SAMSN1: variants seen among roughly 807,000 people sequenced by gnomAD.
The protein encoded by SAMSN1 is SAM domain-containing protein SAMSN-1.
In SAMSN1, 31 loss-of-function variants were observed where a neutral mutation model predicts 42.0. The ratio of observed to expected loss-of-function variants is 0.74; its 90% confidence interval spans 0.55 to 1.00. The LOEUF (loss-of-function observed/expected upper bound fraction) is 1.00. Ranked by LOEUF, SAMSN1 falls within the 50% of genes least tolerant of loss-of-function variation. The pLI is 0.00. For missense variants in SAMSN1, 464 were observed against 439.4 expected (o/e 1.06, Z -0.50); for synonymous variants, 178 against 151.9 (o/e 1.17, Z -1.26).
intron 2 of SAMSN1, among the ~76,000 whole-genome samples, chr21:14,562,642 G>A (rs1432532134): frequency 6.6e-6 from 1 of 151,706 alleles, no homozygotes; most frequent in East Asian, 1.9e-4. Flanking sequence ...TCATCACCAT[G>A]AAATGAATAA....
chr21:14,577,125 G>C (rs1263965927), intron 2 of SAMSN1, among the ~76,000 whole-genome samples: 1 of 122,890 alleles, frequency 8.1e-6, no homozygotes, highest in Admixed American at 9.7e-5. Context: ...GTGCAATCTC[G>C]GCTCATTGCA....
At chr21:14,582,068 ATC>A in intron 2 of SAMSN1, 1 of 1,359,122 alleles carries the variant, frequency 7.4e-7, no homozygotes, top group South Asian at 1.6e-5. Context: ...CACTTTTGCT[ATC>A]TGTTTCTTTC....
chr21:14,616,044 TAAAA>T, intron 2 of SAMSN1: 1 of 574,042 alleles, frequency 1.7e-6, no homozygotes, highest in African/African-American at 1.9e-5. Flanking sequence ...ATGAATAAAA[TAAAA>T]TAAATAACAT....
intron 7 of SAMSN1, among the ~76,000 whole-genome samples, chr21:14,486,894 G>A (rs1021834115): frequency 6.6e-6 from 1 of 152,124 alleles, no homozygotes; most frequent in African/African-American, 2.4e-5. Flanking sequence ...TACTATTAGG[G>A]ATATAACAAA....
chr21:14,508,871 T>C (rs1240247257), intron 5 of SAMSN1, among the ~76,000 whole-genome samples: 1 of 152,194 alleles, frequency 6.6e-6, no homozygotes, highest in Non-Finnish European at 1.5e-5. Flanking sequence ...GGCTCATGCC[T>C]GTAATCCCAG....
At chr21:14,577,280 ATATATTT>A (rs1231049540) in intron 2 of SAMSN1, among the ~76,000 whole-genome samples, 7 of 48,416 alleles carry the variant, frequency 1.4e-4, no homozygotes, top group Non-Finnish European at 2.5e-4. Flanking sequence ...ATATATATAT[ATATATTT>A]TTTTTTTAGA....
chr21:14,515,733 G>T (rs1303219256), intron 3 of SAMSN1, among the ~76,000 whole-genome samples: 1 of 152,036 alleles, frequency 6.6e-6, no homozygotes, highest in Non-Finnish European at 1.5e-5. Flanking sequence ...ATATTATATT[G>T]CATGTCATAT....
chr21:14,624,807 G>C (rs184782551), intron 2 of SAMSN1, among the ~76,000 whole-genome samples: 2 of 152,142 alleles, frequency 1.3e-5, no homozygotes, highest in East Asian at 3.9e-4. Context: ...TACCAAAGCC[G>C]GGAAGAGACA....
At chr21:14,541,346 G>T (rs1980017072) in intron 1 of SAMSN1, among the ~76,000 whole-genome samples, 1 of 150,634 alleles carries the variant, frequency 6.6e-6, no homozygotes, top group African/African-American at 2.5e-5. Context: ...AAAGTACATA[G>T]CTTGAGTGAG....
intron 2 of SAMSN1, among the ~76,000 whole-genome samples, chr21:14,626,417 T>A (rs1024480811): frequency 6.6e-6 from 1 of 152,004 alleles, no homozygotes; most frequent in Non-Finnish European, 1.5e-5. Context: ...TACAAAGAAC[T>A]CAAACAAACT....
chr21:14,576,814 T>C (rs1298502245), intron 2 of SAMSN1, among the ~76,000 whole-genome samples: 1 of 152,172 alleles, frequency 6.6e-6, no homozygotes, highest in East Asian at 1.9e-4. Context: ...TTTTGTTATA[T>C]GATTCTGTCT....
chr21:14,543,620 G>A (rs184458719), intron 1 of SAMSN1, among the ~76,000 whole-genome samples: 379 of 152,100 alleles, frequency 2.5e-3, no homozygotes, highest in Non-Finnish European at 4.0e-3. Context: ...TTTTAATTGA[G>A]GTAACATTAG....
In SAMSN1 at chr21:14,612,691, C is replaced by A. The variant is rs193296265; in HGVS notation, c.235+185G>T. 148 of 652,548 alleles carry A rather than the reference C, an allele frequency of 2.3e-4. No homozygotes were observed. The East Asian group carries it at 4.3e-3, about 19-fold the overall frequency. The allele number at this position is 652,548 out of a possible 1,614,324, so 40.4% of individuals were successfully genotyped here. On this transcript the variant is annotated intron_variant, in intron 4 of 15. Transcript: ENST00000647101. The stretch of plus-strand genomic sequence containing the variant: ...AATATTGCAAATAAATCAATGATTT[C>A]TTTGTCATAGCCATTTAAAGTTAGA...
chr21:14,617,302 A>T (rs1347383958), intron 2 of SAMSN1, among the ~76,000 whole-genome samples: 1 of 152,192 alleles, frequency 6.6e-6, no homozygotes, highest in Admixed American at 6.5e-5. Flanking sequence ...GTGCCCTAAA[A>T]GTATGCAATC....
chr21:14,657,896 G>A (rs1006727038), intron 1 of SAMSN1, among the ~76,000 whole-genome samples: 1 of 151,702 alleles, frequency 6.6e-6, no homozygotes, highest in Non-Finnish European at 1.5e-5. Context: ...ACGTATGTCA[G>A]CACCATCTCT....
At chr21:14,546,515 C>G (rs964929477), upstream of SAMSN1, among the ~76,000 whole-genome samples, 2 of 151,864 alleles carry the variant, frequency 1.3e-5, no homozygotes, top group Admixed American at 6.6e-5. Context: ...TTTAGACATG[C>G]CTGCAGTTAT....
Position 14,538,809 on chromosome 21 carries a change from A to C in SAMSN1, c.57+7396T>G, listed in dbSNP as rs1360212637. ...GCTAGTGAAAATTAGCATCTGTGAC[A>C]CTAATGGTGTCTCATTTAGTATGCA... On this transcript the variant is annotated intron_variant, in intron 1 of 7. Coordinates refer to ENST00000400566, the MANE Select transcript of SAMSN1 (RefSeq NM_022136.5). 2.0e-5 allele frequency among the ~76,000 whole-genome samples: 3 copies of C among 152,214 alleles called. 1 individual carries two copies. The highest frequency in any genetic ancestry group is 7.2e-5 in the African/African-American group (3 of 41,450).
chr21:14,615,866 A>C, intron 3 of SAMSN1: 1 of 83,384 alleles, frequency 1.2e-5, no homozygotes, highest in South Asian at 4.5e-4. Flanking sequence ...ACAGCTGCAA[A>C]AAAAAAAAAA....
At chr21:14,596,768 C>T (rs1333348007) in intron 6 of SAMSN1, among the ~76,000 whole-genome samples, 2 of 152,084 alleles carry the variant, frequency 1.3e-5, no homozygotes, top group Non-Finnish European at 2.9e-5. Context: ...AGAAACAAAC[C>T]TTTCAGCCCC....
Sources: gnomAD v4.1 joint callset for allele counts (sites outside exome capture counted in the v4.1 genomes callset) on GRCh38, gnomAD v4.1.1 for gene constraint, MANE v1.5 for transcripts, NCBI Gene and HGNC (gene_info 2026-07-23, HGNC 2026-07-21) for gene names.